The following MEI4 variants were observed in gnomAD, a reference collection of about 807,000 sequenced individuals.
MEI4 encodes the protein meiosis-specific protein MEI4.
MEI4 carries 27 observed loss-of-function variants against 31.4 expected under a neutral mutation model. The ratio of observed to expected loss-of-function variants is 0.86; its 90% confidence interval spans 0.63 to 1.19. MEI4 has a LOEUF of 1.19. Ranked by LOEUF, MEI4 falls within the 50% of genes most tolerant of loss-of-function variation. MEI4 has a pLI of 0.00. For synonymous variants in MEI4, 122 were observed against 145.4 expected, an observed-to-expected ratio of 0.84 and a Z score of 1.16; for missense variants, 329 against 398.9, an observed-to-expected ratio of 0.82 and a Z score of 1.49.
At chr6:77,653,163 T>C (rs141200841) in intron 1 of MEI4, among the ~76,000 whole-genome samples, 71 bp downstream of exon 1, 42 of 152,302 alleles carry the variant, frequency 2.8e-4, no homozygotes, top group Admixed American at 8.5e-4. Flanking sequence ...GGGAAAACTT[T>C]CAAAAACCAA....
chr6:77,711,211 A>T (rs1766457629), intron 2 of MEI4, among the ~76,000 whole-genome samples: 1 of 152,188 alleles, frequency 6.6e-6, no homozygotes, highest in Non-Finnish European at 1.5e-5. Flanking sequence ...TTCCATATCC[A>T]TGAAAATTGC....
intron 1 of MEI4, among the ~76,000 whole-genome samples, chr6:77,678,315 G>A (rs1768882866): frequency 6.6e-6 from 1 of 152,152 alleles, no homozygotes; most frequent in South Asian, 2.1e-4. Context: ...TCAGCTTGAG[G>A]CCAGTTTTTG....
chr6:77,798,031 TA>T (rs956738326), intron 3 of MEI4, among the ~76,000 whole-genome samples: 3 of 152,046 alleles, frequency 2.0e-5, no homozygotes, highest in African/African-American at 7.2e-5. Flanking sequence ...ATAATAATAG[TA>T]AAAGATAGGA....
At chr6:77,888,786 AGT>A (rs1233548648) in intron 4 of MEI4, among the ~76,000 whole-genome samples, 1 of 152,138 alleles carries the variant, frequency 6.6e-6, no homozygotes, top group Non-Finnish European at 1.5e-5. Context: ...CTTGAATTGT[AGT>A]TCCCACAATC....
intron 4 of MEI4, among the ~76,000 whole-genome samples, chr6:77,902,601 G>C (rs921557662): frequency 1.5e-4 from 23 of 152,058 alleles, no homozygotes; most frequent in African/African-American, 5.3e-4. Flanking sequence ...AAATCACTAA[G>C]CTATAGGGAA....
intron 2 of MEI4, among the ~76,000 whole-genome samples, chr6:77,699,189 C>CTTTTTTTTTTT (rs70974682): frequency 8.8e-6 from 1 of 113,832 alleles, no homozygotes. Context: ...TTCAAAGTTT[C>CTTTTTTTTTTT]TTTTTTTTTT....
At chr6:77,708,290 T>A (rs937926197) in intron 2 of MEI4, among the ~76,000 whole-genome samples, 1 of 152,226 alleles carries the variant, frequency 6.6e-6, no homozygotes, top group Non-Finnish European at 1.5e-5. Context: ...CTTTAAGATT[T>A]CATATCTGCC....
chr6:77,784,568 T>C (rs1199446587), intron 3 of MEI4, among the ~76,000 whole-genome samples: 1 of 152,148 alleles, frequency 6.6e-6, no homozygotes, highest in African/African-American at 2.4e-5. Flanking sequence ...ACCAAGGGAA[T>C]TAATACTGAA....
chr6:77,755,760 T>G (rs766773471), intron 2 of MEI4, among the ~76,000 whole-genome samples: 22 of 152,086 alleles, frequency 1.4e-4, no homozygotes, highest in African/African-American at 4.3e-4. Flanking sequence ...AATTTAGATT[T>G]CTGATCTCCA....
chr6:77,797,300 A>G (rs1056142101), intron 3 of MEI4, among the ~76,000 whole-genome samples: 1 of 152,218 alleles, frequency 6.6e-6, no homozygotes, highest in Admixed American at 6.5e-5. Flanking sequence ...TTTGGATATG[A>G]CACCAAAGCA....
intron 4 of MEI4, among the ~76,000 whole-genome samples, chr6:77,880,988 T>C (rs770272487): frequency 2.0e-5 from 3 of 152,138 alleles, no homozygotes; most frequent in Admixed American, 6.5e-5. Flanking sequence ...AGTGTATTTT[T>C]TTTGGAGTAC....
At chr6:77,669,104 T>C (rs1241148257) in intron 1 of MEI4, among the ~76,000 whole-genome samples, 1 of 152,212 alleles carries the variant, frequency 6.6e-6, no homozygotes, top group Non-Finnish European at 1.5e-5. Flanking sequence ...CAGACATGGA[T>C]GCATAAAATA....
intron 4 of MEI4, among the ~76,000 whole-genome samples, chr6:77,863,368 C>T (rs1582227953): frequency 7.9e-6 from 1 of 126,312 alleles, no homozygotes; most frequent in Admixed American, 8.5e-5. Flanking sequence ...ACTAGAATAA[C>T]CAATGCAGAG....
At chr6:77,789,685 T>C (rs532406384) in intron 3 of MEI4, among the ~76,000 whole-genome samples, 12 of 152,192 alleles carry the variant, frequency 7.9e-5, no homozygotes, top group Non-Finnish European at 1.3e-4. Flanking sequence ...CAGAGAAATG[T>C]AAATCAAAAC....
chr6:77,782,225 G>GA (rs1768612565), intron 3 of MEI4, among the ~76,000 whole-genome samples: 1 of 151,856 alleles, frequency 6.6e-6, no homozygotes. Context: ...TGAGAGAAGG[G>GA]GAGAACTTGA....
At chr6:77,913,618 G>T (rs1310372558) in intron 4 of MEI4, among the ~76,000 whole-genome samples, 3 of 151,562 alleles carry the variant, frequency 2.0e-5, no homozygotes, top group Admixed American at 2.0e-4. Flanking sequence ...TATTTCTATG[G>T]TATCTGTTGC....
chr6:77,810,994 T>A (rs1401157973), intron 3 of MEI4, among the ~76,000 whole-genome samples: 1 of 152,168 alleles, frequency 6.6e-6, no homozygotes, highest in Non-Finnish European at 1.5e-5. Flanking sequence ...GATTGCATGA[T>A]TGGATATTCA....
intron 4 of MEI4, among the ~76,000 whole-genome samples, chr6:77,831,940 G>GATAAAATGTTTCCAACAT (rs1447115188): frequency 6.6e-6 from 1 of 151,562 alleles, no homozygotes; most frequent in Non-Finnish European, 1.5e-5. Flanking sequence ...CCAACATAAA[G>GATAAAATGTTTCCAACAT]AAAAGATAAA....
chr6:77,883,318 C>A (rs1448974165), intron 4 of MEI4, among the ~76,000 whole-genome samples: 1 of 152,070 alleles, frequency 6.6e-6, no homozygotes, highest in African/African-American at 2.4e-5. Flanking sequence ...CATTTCTCAT[C>A]TTCTAGCCAT....
Sources: allele counts gnomAD v4.1 joint callset (sites outside exome capture counted in the v4.1 genomes callset), GRCh38; gene constraint gnomAD v4.1.1; transcripts MANE v1.5; gene names NCBI Gene and HGNC (gene_info 2026-07-23, HGNC 2026-07-21).